The following DNTT variants were observed in gnomAD, a reference collection of about 807,000 sequenced individuals.
The protein encoded by DNTT is DNA nucleotidylexotransferase.
DNTT carries 47 observed loss-of-function variants against 60.9 expected under a neutral mutation model. The observed-to-expected ratio is 0.77, with a 90% CI of 0.61 to 0.98. The LOEUF (loss-of-function observed/expected upper bound fraction) is 0.98, where lower values mean the gene tolerates loss of function less well. DNTT is among the 50% of genes least tolerant of loss of function. DNTT has a pLI of 0.00. For missense variants in DNTT, 665 were observed against 627.5 expected, an observed-to-expected ratio of 1.06 and a Z score of -0.64; for synonymous variants, 224 against 221.2, an observed-to-expected ratio of 1.01 and a Z score of -0.11.
intron 10 of DNTT, among the ~76,000 whole-genome samples, chr10:96,336,886 C>T (rs994611308): frequency 7.1e-6 from 1 of 140,830 alleles, no homozygotes; most frequent in African/African-American, 2.7e-5. Context: ...TGCAGTGAGC[C>T]GAGATCACAC....
chr10:96,308,567 A>C (rs1844670323), intron 1 of DNTT, among the ~76,000 whole-genome samples: 1 of 152,022 alleles, frequency 6.6e-6, no homozygotes, highest in South Asian at 2.1e-4. Flanking sequence ...TCTGTTATCA[A>C]CCCTCCTCCA....
chr10:96,325,055 T>G (rs1022338568), intron 6 of DNTT, among the ~76,000 whole-genome samples: 1 of 152,194 alleles, frequency 6.6e-6, no homozygotes, highest in African/African-American at 2.4e-5. Flanking sequence ...CTCTCAGAGG[T>G]TGAAGGTAGC....
intron 4 of DNTT, among the ~76,000 whole-genome samples, chr10:96,321,318 G>A (rs1017142544): frequency 6.6e-6 from 1 of 152,068 alleles, no homozygotes; most frequent in Non-Finnish European, 1.5e-5. Flanking sequence ...GGTATATGTT[G>A]GCATACTTCT....
chr10:96,327,052 A>G (rs1169750382), intron 6 of DNTT, among the ~76,000 whole-genome samples: 1 of 152,144 alleles, frequency 6.6e-6, no homozygotes, highest in Non-Finnish European at 1.5e-5. Context: ...CTCTGCTCCT[A>G]TTCTTGACTT....
At chr10:96,308,115 A>G (rs777252156) in intron 1 of DNTT, among the ~76,000 whole-genome samples, 3 of 152,218 alleles carry the variant, frequency 2.0e-5, no homozygotes, top group African/African-American at 4.8e-5. Flanking sequence ...AACAGTTTTC[A>G]TTGTTCCTAA....
chr10:96,322,341 A>G (rs926286460), intron 4 of DNTT, among the ~76,000 whole-genome samples: 4 of 152,238 alleles, frequency 2.6e-5, no homozygotes, highest in African/African-American at 9.6e-5. Flanking sequence ...TATTCATTGA[A>G]GAGAAAATTA....
intron 1 of DNTT, among the ~76,000 whole-genome samples, chr10:96,309,892 A>T (rs1289778507): frequency 1.3e-5 from 2 of 152,252 alleles, no homozygotes; most frequent in African/African-American, 4.8e-5. Context: ...AGAAAGTTGC[A>T]ATGATAAATC....
intron 6 of DNTT, 140 bp from the exon 7 acceptor site, chr10:96,327,328 T>C: frequency 3.2e-6 from 4 of 1,261,346 alleles, no homozygotes; most frequent in Non-Finnish European, 4.6e-6. Flanking sequence ...TGGACTATTC[T>C]GTCTCTGTGG....
At position 96,328,772 on chromosome 10, in the gene DNTT, G is replaced by T. The variant is rs780153551; in HGVS notation, c.1055G>T (p.Gly352Val). ...GTAGATTTTTTAATTACCAGCCCAG[G>T]ATCAACAGAGGATGAAGAGCAACTT... ...HDVDFLITSPGSTEDEEQLLQ... is the reference protein window; with the variant it reads ...HDVDFLITSPVSTEDEEQLLQ... The change falls in exon 8 of 11, where the codon GGA (glycine) becomes GTA (valine). Residue 352 changes from glycine (G) to valine (V), a missense_variant. Transcript: ENST00000371174. 4 of 1,613,820 alleles carry T rather than the reference G, an allele frequency of 2.5e-6. No homozygotes were observed. Among genetic ancestry groups the T allele is most frequent in the African/African-American group, 1.3e-5 (1 of 74,932 alleles).
chr10:96,325,933 T>G (rs1345382601), intron 6 of DNTT, among the ~76,000 whole-genome samples: 1 of 152,232 alleles, frequency 6.6e-6, no homozygotes, highest in Non-Finnish European at 1.5e-5. Context: ...ACGTTTGCCT[T>G]GAAAAGTCAG....
chr10:96,330,953 G>T (rs1471133107), intron 8 of DNTT, among the ~76,000 whole-genome samples: 1 of 152,028 alleles, frequency 6.6e-6, no homozygotes, highest in Non-Finnish European at 1.5e-5. Flanking sequence ...TTATTTGAGG[G>T]TTACTTGCTG....
rs74153635 is a variant in DNTT, at chr10:96,319,916, A to C, written c.507+526A>C. On this transcript the variant is annotated intron_variant, in intron 3 of 10. Transcript: ENST00000371174. ...ATATCTAAAGCTCCACTCAGCCCTC[A>C]GATTGGTAATTGTGTTTTGAATGGC... is the stretch of plus-strand genomic sequence containing the variant. Among the ~76,000 whole-genome samples the C allele has an allele frequency of 2.3e-3, 357 of 152,348 alleles. 1 individual carries two copies. The highest frequency in any genetic ancestry group is 8.1e-3 in the African/African-American group (336 of 41,582).
chr10:96,322,392 G>A (rs372691408), intron 4 of DNTT, among the ~76,000 whole-genome samples: 1 of 152,122 alleles, frequency 6.6e-6, no homozygotes, highest in South Asian at 2.1e-4. Flanking sequence ...GAATATTTTG[G>A]TTTGGGATTC....
intron 1 of DNTT, among the ~76,000 whole-genome samples, chr10:96,310,604 G>A (rs1844704120): frequency 6.6e-6 from 1 of 152,182 alleles, no homozygotes; most frequent in Non-Finnish European, 1.5e-5. Context: ...ATGCTGGTGG[G>A]AGTCACTGCC....
intron 3 of DNTT, 38 bp from the exon 4 acceptor site, chr10:96,320,580 G>A (rs199587441): frequency 1.2e-6 from 2 of 1,607,626 alleles, no homozygotes; most frequent in Non-Finnish European, 1.7e-6. Flanking sequence ...TCAGGGGCTT[G>A]GAAGCAAATC....
chr10:96,333,721 G>A (rs993028661), intron 9 of DNTT, among the ~76,000 whole-genome samples: 1 of 152,170 alleles, frequency 6.6e-6, no homozygotes, highest in Non-Finnish European at 1.5e-5. Flanking sequence ...GGCACAGAGA[G>A]ACAAATACTG....
intron 7 of DNTT, among the ~76,000 whole-genome samples, chr10:96,328,352 G>A (rs1473038091): frequency 6.6e-6 from 1 of 152,190 alleles, no homozygotes; most frequent in Admixed American, 6.5e-5. Context: ...TTTACTCCAT[G>A]TCATAATTCC....
In DNTT at chr10:96,338,317, A is replaced by C. The variant is rs1845097245; in HGVS notation, c.*93A>C. On this transcript the variant is annotated 3_prime_UTR_variant, in exon 11 of 11. Coordinates refer to ENST00000371174, the MANE Select transcript of DNTT (RefSeq NM_004088.4). ...AGATGCCATAGGAGAGTTTGGGGTT[A>C]TTTAGGTCTTATTGAAATGCAGATT... 2 of 1,175,304 alleles carry C rather than the reference A, an allele frequency of 1.7e-6. No homozygotes were observed. Among genetic ancestry groups the C allele is most frequent in the Admixed American group, 2.5e-5 (1 of 39,996 alleles). 72.8% of individuals were successfully genotyped at this position (1,175,304 alleles called of 1,614,324 possible). A position where few individuals can be genotyped will look rare whatever the true frequency, so the allele number is the denominator to read the frequency against.
intron 6 of DNTT, among the ~76,000 whole-genome samples, chr10:96,327,138 A>C (rs1033928423): frequency 1.3e-5 from 2 of 152,216 alleles, no homozygotes; most frequent in African/African-American, 4.8e-5. Flanking sequence ...CCTTTTAAAA[A>C]ACAGTAGGAC....
Sources: gnomAD v4.1 joint callset for allele counts (sites outside exome capture counted in the v4.1 genomes callset) on GRCh38, gnomAD v4.1.1 for gene constraint, MANE v1.5 for transcripts, NCBI Gene and HGNC (gene_info 2026-07-23, HGNC 2026-07-21) for gene names.